The following PPP1R12B variants were observed in gnomAD, a reference collection of about 807,000 sequenced individuals.
PPP1R12B encodes the protein myosin phosphatase target subunit 2.
In PPP1R12B, 76 loss-of-function variants were observed where a neutral mutation model predicts 126.1. That is an observed-to-expected ratio of 0.60 (90% CI 0.50 to 0.73). The LOEUF (loss-of-function observed/expected upper bound fraction) is 0.73, where lower values mean the gene tolerates loss of function less well. PPP1R12B is among the 30% of genes least tolerant of loss of function. The probability of loss-of-function intolerance (pLI) is 0.00; values close to 1 mark genes in which losing one functional copy is unlikely to be tolerated. For synonymous variants in PPP1R12B, 356 were observed against 434.7 expected (o/e 0.82, Z 2.25); for missense variants, 1,052 against 1,205.1 (o/e 0.87, Z 1.88).
chr1:202,390,472 A>G (rs1663960361), intron 1 of PPP1R12B, among the ~76,000 whole-genome samples: 1 of 152,180 alleles, frequency 6.6e-6, no homozygotes, highest in South Asian at 2.1e-4. Flanking sequence ...AAGAAAAAAT[A>G]ATTTGAATTC....
chr1:202,489,430 A>G (rs1678579314), intron 14 of PPP1R12B, among the ~76,000 whole-genome samples: 1 of 152,256 alleles, frequency 6.6e-6, no homozygotes, highest in South Asian at 2.1e-4. Flanking sequence ...TAATAGTATT[A>G]TTCATAATAG....
chr1:202,430,644 T>C, intron 6 of PPP1R12B, 87 bp from the exon 7 acceptor site: 1 of 1,428,440 alleles, frequency 7.0e-7, no homozygotes, highest in Non-Finnish European at 9.6e-7. Context: ...TTCTTCAGAA[T>C]GACAGTACCA....
chr1:202,417,877 A>C (rs1200009020), intron 2 of PPP1R12B, among the ~76,000 whole-genome samples: 1 of 152,168 alleles, frequency 6.6e-6, no homozygotes, highest in African/African-American at 2.4e-5. Context: ...TGATTTGCCC[A>C]GGTTTCCTAA....
intron 10 of PPP1R12B, chr1:202,439,476 G>T: frequency 2.0e-6 from 3 of 1,481,928 alleles, no homozygotes; most frequent in Non-Finnish European, 2.8e-6. Context: ...CGGCAAGGGT[G>T]CCTGGTCCAG....
intron 1 of PPP1R12B, 93 bp from the exon 2 acceptor site, chr1:202,416,694 C>T (rs1571910959): frequency 9.1e-7 from 1 of 1,096,074 alleles, no homozygotes; most frequent in East Asian, 2.4e-5. Context: ...ATTATTAGAA[C>T]TGCTGGGCAT....
At chr1:202,561,000 C>T (rs1225569546) in intron 19 of PPP1R12B, among the ~76,000 whole-genome samples, 2 of 151,032 alleles carry the variant, frequency 1.3e-5, no homozygotes, top group Non-Finnish European at 2.9e-5. Context: ...TACCCTAAAA[C>T]TTAAAGTATA....
At chr1:202,439,436 C>A (rs908837205) in intron 10 of PPP1R12B, 1 of 1,323,032 alleles carries the variant, frequency 7.6e-7, no homozygotes, top group Non-Finnish European at 1.1e-6. Flanking sequence ...AAATGCTGGG[C>A]GACCCCAGCT....
intron 18 of PPP1R12B, among the ~76,000 whole-genome samples, chr1:202,536,212 T>A (rs1488695218): frequency 1.3e-5 from 2 of 152,128 alleles, no homozygotes; most frequent in African/African-American, 4.8e-5. Flanking sequence ...TTTAGGCAAT[T>A]TCGTCCCTGA....
At chr1:202,426,664 A>T (rs1160494429) in intron 4 of PPP1R12B, among the ~76,000 whole-genome samples, 1 of 152,234 alleles carries the variant, frequency 6.6e-6, no homozygotes, top group Non-Finnish European at 1.5e-5. Flanking sequence ...TAGAGTCTTC[A>T]TTTTATATGT....
chr1:202,452,578 AGGAGGG>A (rs1029308176), intron 13 of PPP1R12B, among the ~76,000 whole-genome samples: 4 of 148,256 alleles, frequency 2.7e-5, no homozygotes, highest in Non-Finnish European at 6.0e-5. Flanking sequence ...ACGGGAGAGG[AGGAGGG>A]GGAGGGGGAG....
Position 202,548,773 on chromosome 1 carries a change from G to GCT in PPP1R12B, c.2491-10103_2491-10102dup, listed in dbSNP as rs1448463540. ...TGATCATGCGCTCGCTCACTCGCTC[G>GCT]CTGTCTCTCTCTCTCTCTCTCTCTC... On this transcript the variant is annotated intron_variant, in intron 18 of 23. Coordinates refer to ENST00000608999, the MANE Select transcript of PPP1R12B (RefSeq NM_002481.4). Among the ~76,000 whole-genome samples the GCT allele has an allele frequency of 5.4e-4, 58 of 106,840 alleles. 1 individual carries two copies. The highest frequency in any genetic ancestry group is 1.7e-3 in the African/African-American group (44 of 25,288). 70.1% of individuals were successfully genotyped at this position (106,840 alleles called of 152,430 possible).
Position 202,451,130 on chromosome 1 carries a change from C to CTT in PPP1R12B, c.1850+1968_1850+1969dup, listed in dbSNP as rs141489711. ...TTTGTAACTACTGTAAATGGGTTTA[C>CTT]TTTTTTTTTTAATAGTAGTATGATT... On this transcript the variant is annotated intron_variant, in intron 13 of 23. Transcript: ENST00000608999. 5.3e-3 allele frequency among the ~76,000 whole-genome samples: 767 copies of CTT among 144,510 alleles called. 9 individuals carry two copies. The highest frequency in any genetic ancestry group is 0.016 in the African/African-American group (625 of 39,342). The allele number at this position is 144,510 out of a possible 152,430, so 94.8% of individuals were successfully genotyped here.
chr1:202,585,512 A>ATCTT lies in PPP1R12B; in HGVS notation c.*4954_*4957dup, dbSNP rs145639373. ...CTGTAAAATGAGGTTGGACTGGATA[A>ATCTT]TCTTTATGTGCCCTTTCCTTTTGGC... On this transcript the variant is annotated 3_prime_UTR_variant, in exon 24 of 24. Coordinates refer to ENST00000608999, the MANE Select transcript of PPP1R12B (RefSeq NM_002481.4). The ATCTT allele has an allele frequency of 6.6e-6, 1 of 152,314 alleles. No individual in the cohort carries two copies. Among genetic ancestry groups the ATCTT allele is most frequent in the East Asian group, 1.9e-4 (1 of 5,192 alleles). The allele number at this position is 152,314 out of a possible 1,614,324, so 9.4% of individuals were successfully genotyped here.
chr1:202,476,749 C>T (rs1676726758), intron 13 of PPP1R12B, among the ~76,000 whole-genome samples: 1 of 151,652 alleles, frequency 6.6e-6, no homozygotes, highest in African/African-American at 2.4e-5. Context: ...AAGCTATATA[C>T]TCAACTTAGT....
intron 1 of PPP1R12B, among the ~76,000 whole-genome samples, chr1:202,399,501 C>CTT (rs779738318): frequency 1.4e-5 from 2 of 144,528 alleles, no homozygotes; most frequent in African/African-American, 2.5e-5. Context: ...GCCACCGCAC[C>CTT]TTTTTTTTTT....
intron 14 of PPP1R12B, among the ~76,000 whole-genome samples, chr1:202,491,173 G>C (rs537416404): frequency 6.6e-6 from 1 of 152,092 alleles, no homozygotes; most frequent in Non-Finnish European, 1.5e-5. Flanking sequence ...CACGCAGGCC[G>C]GGGTGCAATG....
At chr1:202,518,293 G>A (rs1255763924) in intron 18 of PPP1R12B, among the ~76,000 whole-genome samples, 3 of 152,146 alleles carry the variant, frequency 2.0e-5, no homozygotes. Flanking sequence ...GATTTAGCTC[G>A]TTTAGCTATT....
rs1474705040 is a variant in PPP1R12B at position 202,449,187 on chromosome 1, G to C, written c.1850+16G>C. 2 of 1,576,578 alleles carry C rather than the reference G, an allele frequency of 1.3e-6. No individual in the cohort carries two copies. The highest frequency in any genetic ancestry group is 1.7e-6 in the Non-Finnish European group (2 of 1,159,568). On this transcript the variant is annotated intron_variant, in intron 13 of 23. Coordinates refer to ENST00000608999, the MANE Select transcript of PPP1R12B (RefSeq NM_002481.4). ...AGAAGAGGAGGTATGTTGAGTTACT[G>C]ATTTCATTTGTGGGGCTCTGCTTTG... is the stretch of plus-strand genomic sequence containing the variant.
intron 18 of PPP1R12B, among the ~76,000 whole-genome samples, chr1:202,533,385 T>A (rs1325096407): frequency 1.3e-5 from 2 of 152,206 alleles, no homozygotes; most frequent in Non-Finnish European, 2.9e-5. Flanking sequence ...CTGCCTCTTG[T>A]GCTCAGAGGA....
Sources: allele counts gnomAD v4.1 joint callset (sites outside exome capture counted in the v4.1 genomes callset), GRCh38; gene constraint gnomAD v4.1.1; transcripts MANE v1.5; gene names NCBI Gene and HGNC (gene_info 2026-07-23, HGNC 2026-07-21).